SYNE1: variants seen among roughly 807,000 people sequenced by gnomAD.
SYNE1 encodes spectrin repeat containing nuclear envelope protein 1, also known as nesprin-1.
SYNE1 carries 616 observed loss-of-function variants against 1,111.0 expected under a neutral mutation model. The observed-to-expected ratio is 0.55, with a 90% CI of 0.52 to 0.59. SYNE1 has a LOEUF of 0.59. Ranked by LOEUF, SYNE1 falls within the 20% of genes least tolerant of loss-of-function variation. The pLI is 0.00. For synonymous variants in SYNE1, 3,855 were observed against 3,825.8 expected (o/e 1.01, Z -0.28); for missense variants, 10,006 against 10,417.0 (o/e 0.96, Z 1.72).
At chr6:152,306,903 CA>C (rs973985274) in intron 91 of SYNE1, among the ~76,000 whole-genome samples, 2,117 of 60,604 alleles carry the variant, frequency 0.035, 8 homozygotes, top group Middle Eastern at 0.074. Flanking sequence ...GACTGTGTCT[CA>C]AAAAAAAAAA....
At chr6:152,179,520 T>C (rs1425831599) in intron 129 of SYNE1, 4 of 149,176 alleles carry the variant, frequency 2.7e-5, no homozygotes, top group East Asian at 2.0e-4. Flanking sequence ...AGAAAAATAA[T>C]ACATATAAAG....
intron 74 of SYNE1, among the ~76,000 whole-genome samples, chr6:152,340,222 T>G (rs2096502486): frequency 6.6e-6 from 1 of 151,902 alleles, no homozygotes; most frequent in Non-Finnish European, 1.5e-5. Flanking sequence ...TCCAGGCAGG[T>G]GGATGTGGTG....
chr6:152,145,324 G>A lies in SYNE1; in HGVS notation c.24977-1559C>T, dbSNP rs946457527. The A allele has an allele frequency of 4.3e-6, 3 of 698,048 alleles. No individual in the cohort carries two copies. The East Asian group carries it at 8.2e-5, about 19-fold the overall frequency. The allele number at this position is 698,048 out of a possible 1,614,324, so 43.2% of individuals were successfully genotyped here. On this transcript the variant is annotated intron_variant, in intron 137 of 145. Coordinates refer to ENST00000367255, the MANE Select transcript of SYNE1 (RefSeq NM_182961.4). ...CAATTAGTGAAATCTTATTCTTGGTGTGGATTTAACCAGCTGTTTTTTCTA... is the reference window on the plus strand; with the variant it reads ...CAATTAGTGAAATCTTATTCTTGGTATGGATTTAACCAGCTGTTTTTTCTA...
chr6:152,377,640 AATATATATATATATAT>A (rs1369932106), intron 56 of SYNE1, among the ~76,000 whole-genome samples: 26 of 33,874 alleles, frequency 7.7e-4, no homozygotes, highest in African/African-American at 3.5e-3. Flanking sequence ...AAAAAAAAAA[AATATATATATATATAT>A]ATATATATAT....
chr6:152,355,680 A>G (rs1417985012), intron 66 of SYNE1, among the ~76,000 whole-genome samples: 3 of 152,232 alleles, frequency 2.0e-5, no homozygotes, highest in African/African-American at 7.2e-5. Context: ...TATTGGTAAA[A>G]CAACATGGCA....
intron 78 of SYNE1, among the ~76,000 whole-genome samples, chr6:152,329,340 AC>A (rs1189252626): frequency 1.3e-5 from 2 of 152,346 alleles, no homozygotes; most frequent in East Asian, 3.9e-4. Flanking sequence ...GGCTTGGCCA[AC>A]ATAATGAAAC....
At chr6:152,178,318 G>C (rs1360179178) in intron 129 of SYNE1, among the ~76,000 whole-genome samples, 1 of 152,048 alleles carries the variant, frequency 6.6e-6, no homozygotes, top group Non-Finnish European at 1.5e-5. Flanking sequence ...ACTACCTATA[G>C]TGCATGAATC....
At chr6:152,408,486 T>C (rs1362630653) in intron 44 of SYNE1, among the ~76,000 whole-genome samples, 1 of 152,234 alleles carries the variant, frequency 6.6e-6, no homozygotes, top group African/African-American at 2.4e-5. Context: ...TTTCATAGTT[T>C]GGGAAAGAAA....
At chr6:152,144,024 C>G in intron 137 of SYNE1, 1 of 494,234 alleles carries the variant, frequency 2.0e-6, no homozygotes. Context: ...TGAACAGCTT[C>G]GTGCACCTGA....
intron 95 of SYNE1, among the ~76,000 whole-genome samples, chr6:152,293,296 T>C (rs1427700711): frequency 2.6e-5 from 4 of 152,160 alleles, no homozygotes; most frequent in South Asian, 2.1e-4. Context: ...AGGAAACACA[T>C]TTTGTGTAAT....
chr6:152,504,661 G>T (rs571904411), intron 9 of SYNE1, among the ~76,000 whole-genome samples: 5 of 152,182 alleles, frequency 3.3e-5, no homozygotes, highest in South Asian at 2.1e-4. Flanking sequence ...TTTATCAAAG[G>T]CATCTAAATT....
chr6:152,289,814 G>C (rs925773158), intron 95 of SYNE1, among the ~76,000 whole-genome samples: 1 of 152,050 alleles, frequency 6.6e-6, no homozygotes, highest in Admixed American at 6.5e-5. Context: ...TTTTAGTAGA[G>C]ACGGGGTTTC....
intron 21 of SYNE1, among the ~76,000 whole-genome samples, chr6:152,459,223 C>T (rs573393107): frequency 1.3e-5 from 2 of 152,214 alleles, no homozygotes; most frequent in South Asian, 2.1e-4. Flanking sequence ...TTTTAGTGAG[C>T]CAGATGGCAT....
rs909230448 is a variant in SYNE1, at chr6:152,417,294, C to T, written c.5422-279G>A. Among the ~76,000 whole-genome samples the T allele has an allele frequency of 2.6e-5, 4 of 152,112 alleles. No individual in the cohort carries two copies. In the East Asian group the frequency reaches 5.8e-4, roughly 22 times the overall value. ...CGGGCAGATCACGAGGTCAGGAGAT[C>T]GAAACCATCCTGGCTAACACGGTGA... On this transcript the variant is annotated intron_variant, in intron 40 of 145. Coordinates refer to ENST00000367255, the MANE Select transcript of SYNE1 (RefSeq NM_182961.4).
rs579464 is a variant in SYNE1 at position 152,461,798 on chromosome 6, G to A, written c.2251-58C>T. 714,099 of 1,609,644 alleles carry A rather than the reference G, an allele frequency of 0.44. 166,394 individuals carry two copies. The highest frequency in any genetic ancestry group is 0.78 in the East Asian group (34,779 of 44,840). On this transcript the variant is annotated intron_variant, in intron 20 of 145. Coordinates refer to ENST00000367255, the MANE Select transcript of SYNE1 (RefSeq NM_182961.4). Reference sequence around the variant, plus strand: ...CATGACACATTTCCTCTTAACTTCCGGATTCCACAGAAGGCAGAACAAAAA... The same window carrying A: ...CATGACACATTTCCTCTTAACTTCCAGATTCCACAGAAGGCAGAACAAAAA...
intron 45 of SYNE1, chr6:152,404,806 A>G (rs887963178): frequency 7.1e-5 from 11 of 154,092 alleles, no homozygotes; most frequent in African/African-American, 2.7e-4. Context: ...AAACAGATTC[A>G]TTACGATATT....
intron 56 of SYNE1, 114 bp from the exon 57 acceptor site, chr6:152,377,026 A>C: frequency 7.6e-7 from 1 of 1,313,700 alleles, no homozygotes; most frequent in Non-Finnish European, 1.1e-6. Flanking sequence ...AAGAACCAAC[A>C]TGGTAGATTC....
At chr6:152,353,148 G>A (rs1054911541) in intron 69 of SYNE1, 115 bp downstream of exon 69, 3 of 1,370,252 alleles carry the variant, frequency 2.2e-6, no homozygotes, top group Non-Finnish European at 3.1e-6. Context: ...ATGAGCTCAG[G>A]ATCACCAATC....
chr6:152,293,529 C>A (rs772527370), intron 95 of SYNE1, 59 bp downstream of exon 95: 98 of 1,596,866 alleles, frequency 6.1e-5, no homozygotes, highest in Non-Finnish European at 8.2e-5. Context: ...GACAGGCCAA[C>A]CAGTCACAAC....
Sources: allele counts gnomAD v4.1 joint callset (sites outside exome capture counted in the v4.1 genomes callset), GRCh38; gene constraint gnomAD v4.1.1; transcripts MANE v1.5; gene names NCBI Gene and HGNC (gene_info 2026-07-23, HGNC 2026-07-21).